The following SEC14L2 variants were observed in gnomAD, a reference collection of about 807,000 sequenced individuals.
SEC14L2 encodes the protein SEC14-like protein 2.
Under a neutral mutation model 56.9 loss-of-function variants are expected in SEC14L2, and 50 were observed. The ratio of observed to expected loss-of-function variants is 0.88; its 90% CI spans 0.70 to 1.11. The LOEUF is 1.11. Ranked by LOEUF, SEC14L2 falls within the 50% of genes most tolerant of loss-of-function variation. The probability of loss-of-function intolerance (pLI) is 0.00; values close to 1 mark genes in which losing one functional copy is unlikely to be tolerated. For synonymous variants in SEC14L2, 179 were observed against 188.5 expected, an observed-to-expected ratio of 0.95 and a Z score of 0.41; for missense variants, 414 against 500.7, an observed-to-expected ratio of 0.83 and a Z score of 1.65.
chr22:30,422,154 T>A lies in SEC14L2; in HGVS notation c.1082-123T>A, dbSNP rs940336495. 5.8e-6 allele frequency: 7 copies of A among 1,209,560 alleles called. No individual in the cohort carries two copies. The Admixed American group carries it at 1.2e-4, about 21-fold the overall frequency. 74.9% of individuals were successfully genotyped at this position (1,209,560 alleles called of 1,614,324 possible). On this transcript the variant is annotated intron_variant, in intron 11 of 11. Coordinates refer to ENST00000615189, the MANE Select transcript of SEC14L2 (RefSeq NM_012429.5). Reference sequence around the variant, plus strand: ...GAAGGTCAAGGATCATTACCTAGGCTACCTTCATCCCCATGACCTGCCACA... The same window carrying A: ...GAAGGTCAAGGATCATTACCTAGGCAACCTTCATCCCCATGACCTGCCACA...
At chr22:30,407,945 T>C (rs1031613742) in intron 5 of SEC14L2, among the ~76,000 whole-genome samples, 1 of 152,102 alleles carries the variant, frequency 6.6e-6, no homozygotes, top group Admixed American at 6.6e-5. Context: ...TATTTTGCCA[T>C]GTAAGGACTT....
At chr22:30,410,457 T>C in intron 7 of SEC14L2, 139 bp from the exon 8 acceptor site, 1 of 715,992 alleles carries the variant, frequency 1.4e-6, no homozygotes, top group Non-Finnish European at 2.4e-6. Context: ...CACCCTGGGC[T>C]GCCTATGTGG....
At chr22:30,409,365 G>A in intron 6 of SEC14L2, 61 bp from the exon 7 acceptor site, 9 of 1,606,180 alleles carry the variant, frequency 5.6e-6, no homozygotes, top group Non-Finnish European at 7.7e-6. Flanking sequence ...CTGTGGGATG[G>A]GTGAGGCAAT....
chr22:30,397,644 C>T lies in SEC14L2; in HGVS notation c.54+474C>T, dbSNP rs1246373319. 4 of 317,400 alleles carry T rather than the reference C, an allele frequency of 1.3e-5. No homozygotes were observed. In the Admixed American group the frequency reaches 1.3e-4, roughly 10 times the overall value. 19.7% of individuals were successfully genotyped at this position (317,400 alleles called of 1,614,324 possible). A position where few individuals can be genotyped will look rare whatever the true frequency, so the allele number is the denominator to read the frequency against. On this transcript the variant is annotated intron_variant, in intron 1 of 11. Transcript: ENST00000615189. ...CCTGCCCCGGCACCAAGCCGCTGTG[C>T]GACCTTGGGCAAAACCCTGCCCTTC...
chr22:30,403,505 C>T (rs1026051263), intron 2 of SEC14L2, among the ~76,000 whole-genome samples: 1 of 152,212 alleles, frequency 6.6e-6, no homozygotes, highest in African/African-American at 2.4e-5. Context: ...CTTTGAGTTG[C>T]CCCTGACCAG....
chr22:30,422,065 G>C (rs1484075846), intron 11 of SEC14L2, among the ~76,000 whole-genome samples: 1 of 152,118 alleles, frequency 6.6e-6, no homozygotes, highest in East Asian at 1.9e-4. Flanking sequence ...TCTGGCACTT[G>C]GCATGTTCTG....
intron 1 of SEC14L2, chr22:30,397,509 G>T (rs1018419971): frequency 5.6e-6 from 2 of 354,804 alleles, no homozygotes; most frequent in East Asian, 6.1e-5. Flanking sequence ...TGGGGCAGGG[G>T]CAGGGGCAGG....
intron 8 of SEC14L2, among the ~76,000 whole-genome samples, chr22:30,414,580 A>C (rs1934336860): frequency 6.6e-6 from 1 of 152,196 alleles, no homozygotes; most frequent in Non-Finnish European, 1.5e-5. Context: ...CCAGCATGAC[A>C]CTGGCTTGTA....
intron 2 of SEC14L2, among the ~76,000 whole-genome samples, chr22:30,404,009 C>CAAAAAAAAAAAAAAAAAAA (rs67366822): frequency 2.5e-4 from 23 of 93,218 alleles, no homozygotes; most frequent in East Asian, 3.2e-4. Flanking sequence ...GACTCCGTCT[C>CAAAAAAAAAAAAAAAAAAA]AAAAAAAAAA....
Position 30,423,931 on chromosome 22 carries a change from C to G in SEC14L2, c.*1524C>G, listed in dbSNP as rs1398338074. ...GACGGCGTCAGGGACCCGGACCCAGCAGCCGTTTCACGCCAATAGATAGGG... is the reference window on the plus strand; with the variant it reads ...GACGGCGTCAGGGACCCGGACCCAGGAGCCGTTTCACGCCAATAGATAGGG... On this transcript the variant is annotated 3_prime_UTR_variant, in exon 12 of 12. Transcript: ENST00000615189. 6.6e-6 allele frequency: 1 copy of G among 152,308 alleles called. No homozygotes were observed. The highest frequency in any genetic ancestry group is 2.4e-5 in the African/African-American group (1 of 41,484). The allele number at this position is 152,308 out of a possible 1,614,324, so 9.4% of individuals were successfully genotyped here. A position where few individuals can be genotyped will look rare whatever the true frequency, so the allele number is the denominator to read the frequency against.
In SEC14L2 at chr22:30,399,706, C is replaced by G. The variant is rs760486237; in HGVS notation, c.118C>G (p.Arg40Gly). ...LPNPDDYFLL[R>G]WLRARSFDLQ... is the part of the protein sequence containing the mutation. Reference sequence around the variant, plus strand: ...GAATCCAGATGACTATTTTCTCCTGCGTTGGCTCCGAGGTGAGGGAAGAGG... The same window carrying G: ...GAATCCAGATGACTATTTTCTCCTGGGTTGGCTCCGAGGTGAGGGAAGAGG... Residue 40 changes from arginine to glycine, a missense_variant, in exon 2 of 12, where the codon CGT (arginine) becomes GGT (glycine). By Grantham distance (125) the Arg-to-Gly change is moderately radical. Transcript: ENST00000615189. 6.2e-7 allele frequency: 1 copy of G among 1,613,402 alleles called. No homozygotes were observed.
intron 2 of SEC14L2, among the ~76,000 whole-genome samples, chr22:30,400,791 A>G (rs1933905068): frequency 7.2e-6 from 1 of 139,628 alleles, no homozygotes; most frequent in South Asian, 2.4e-4. Context: ...GCTACTCAGG[A>G]GGCTGAGGTG....
In SEC14L2 at chr22:30,423,646, C is replaced by CA. The variant is rs2146049482; in HGVS notation, c.*1240dup. On this transcript the variant is annotated 3_prime_UTR_variant, in exon 12 of 12. Transcript: ENST00000615189. ...AGACCTGGCGGGAACGCCTTTCCCT[C>CA]AGAGCCAGGCCCCGGCCCCGTCTGG... is the stretch of plus-strand genomic sequence containing the variant. 6.6e-6 allele frequency: 1 copy of CA among 152,540 alleles called. No individual in the cohort carries two copies. The highest frequency in any genetic ancestry group is 2.1e-4 in the South Asian group (1 of 4,836). 9.4% of individuals were successfully genotyped at this position (152,540 alleles called of 1,614,324 possible).
rs1225854541 is a variant in SEC14L2 at position 30,407,124 on chromosome 22, T to A, written c.204T>A (p.Ile68=). The change falls in exon 4 of 12, where the codon ATT becomes ATA. Residue 68 remains isoleucine (I), a synonymous_variant. Transcript: ENST00000615189. ...TGGAGTTCCGAAAGCAAAAGGACAT[T>A]GACAACATCATTAGCTGGCAGCCTC... ...KHVEFRKQKD[I]DNIISWQPPE... is the part of the protein sequence containing the mutation. 6.2e-7 allele frequency: 1 copy of A among 1,613,986 alleles called. No individual in the cohort carries two copies. The highest frequency in any genetic ancestry group is 8.5e-7 in the Non-Finnish European group (1 of 1,179,990).
intron 8 of SEC14L2, among the ~76,000 whole-genome samples, chr22:30,414,121 G>A (rs2146033971): frequency 6.6e-6 from 1 of 152,296 alleles, no homozygotes; most frequent in South Asian, 2.1e-4. Context: ...ATGAGCCACT[G>A]CACCCAGCCA....
intron 2 of SEC14L2, among the ~76,000 whole-genome samples, chr22:30,401,964 G>A (rs1933950620): frequency 6.6e-6 from 1 of 152,098 alleles, no homozygotes; most frequent in Non-Finnish European, 1.5e-5. Flanking sequence ...ATGAAGAGAT[G>A]TATTTTCCTT....
rs1010895760 is a variant in SEC14L2 at position 30,425,032 on chromosome 22, C to T, written c.*2625C>T. 5.7e-6 allele frequency: 2 copies of T among 350,696 alleles called. No homozygotes were observed. Among genetic ancestry groups the T allele is most frequent in the Non-Finnish European group, 1.1e-5 (2 of 177,536 alleles). The allele number at this position is 350,696 out of a possible 1,614,324, so 21.7% of individuals were successfully genotyped here. The stretch of plus-strand genomic sequence containing the variant: ...CTCCAGAGTCCAGGCACCTACCTCC[C>T]AGGGGCTCACCGTTCACTCCTCTAG... On this transcript the variant is annotated 3_prime_UTR_variant, in exon 12 of 12. Coordinates refer to ENST00000615189, the MANE Select transcript of SEC14L2 (RefSeq NM_012429.5).
At chr22:30,402,644 C>T (rs1414666475) in intron 2 of SEC14L2, among the ~76,000 whole-genome samples, 1 of 152,050 alleles carries the variant, frequency 6.6e-6, no homozygotes, top group African/African-American at 2.4e-5. Flanking sequence ...CAGCCTCTTA[C>T]AACAGAGGAA....
At chr22:30,404,708 G>T (rs948692053) in intron 2 of SEC14L2, among the ~76,000 whole-genome samples, 5 of 152,192 alleles carry the variant, frequency 3.3e-5, no homozygotes, top group Non-Finnish European at 4.4e-5. Context: ...AGTGGCACAG[G>T]TGAAAAGGAT....
Sources: gnomAD v4.1 joint callset for allele counts (sites outside exome capture counted in the v4.1 genomes callset) on GRCh38, gnomAD v4.1.1 for gene constraint, MANE v1.5 for transcripts, NCBI Gene and HGNC (gene_info 2026-07-23, HGNC 2026-07-21) for gene names.